The following ARHGAP26 variants were observed in gnomAD, a reference collection of about 807,000 sequenced individuals.
ARHGAP26 encodes the protein Rho GTPase activating protein 26.
In ARHGAP26, 38 loss-of-function variants were observed where a neutral mutation model predicts 104.8. The ratio of observed to expected loss-of-function variants is 0.36; its 90% CI spans 0.28 to 0.48. The LOEUF is 0.48. Among genes scored for constraint, ARHGAP26 ranks in the 20% least tolerant of loss-of-function variants. The pLI, the probability that ARHGAP26 is intolerant of heterozygous loss-of-function variation, is 0.99. For synonymous variants in ARHGAP26, 341 were observed against 340.0 expected (o/e 1.00, Z -0.03); for missense variants, 704 against 947.9 (o/e 0.74, Z 3.38).
intron 10 of ARHGAP26, among the ~76,000 whole-genome samples, chr5:142,916,101 G>A (rs1316085445): frequency 6.6e-6 from 1 of 152,148 alleles, no homozygotes. Flanking sequence ...ATATTTAATC[G>A]CATAAGGGTT....
chr5:143,173,846 A>G (rs1171975095), intron 20 of ARHGAP26, among the ~76,000 whole-genome samples: 1 of 152,172 alleles, frequency 6.6e-6, no homozygotes, highest in African/African-American at 2.4e-5. Context: ...ATACCTAAAA[A>G]ATTTACCCTG....
chr5:142,811,651 A>G (rs1764095749), intron 1 of ARHGAP26, among the ~76,000 whole-genome samples: 1 of 152,052 alleles, frequency 6.6e-6, no homozygotes, highest in South Asian at 2.1e-4. Flanking sequence ...AGTCTCTTAA[A>G]TGGAAGTAAT....
At chr5:142,934,587 C>A (rs1765155190) in intron 11 of ARHGAP26, among the ~76,000 whole-genome samples, 1 of 152,194 alleles carries the variant, frequency 6.6e-6, no homozygotes. Flanking sequence ...GCTTTAATCA[C>A]CATCTCCCTA....
intron 22 of ARHGAP26, among the ~76,000 whole-genome samples, chr5:143,215,300 G>A (rs1336265197): frequency 6.6e-6 from 1 of 152,214 alleles, no homozygotes; most frequent in Non-Finnish European, 1.5e-5. Flanking sequence ...GCTCATATGG[G>A]CAGGGGATCA....
At chr5:142,781,920 T>C (rs1006661567) in intron 1 of ARHGAP26, among the ~76,000 whole-genome samples, 1 of 152,218 alleles carries the variant, frequency 6.6e-6, no homozygotes, top group Non-Finnish European at 1.5e-5. Context: ...TTTCACCGTG[T>C]TACTCAGGAT....
chr5:143,061,716 G>C (rs1208960849), intron 17 of ARHGAP26, among the ~76,000 whole-genome samples: 1 of 152,166 alleles, frequency 6.6e-6, no homozygotes, highest in East Asian at 1.9e-4. Context: ...CTGAGAGTTG[G>C]TTAGTTTCTC....
At chr5:142,931,803 C>T (rs921321790) in intron 10 of ARHGAP26, among the ~76,000 whole-genome samples, 2 of 152,172 alleles carry the variant, frequency 1.3e-5, no homozygotes, top group African/African-American at 4.8e-5. Context: ...CGTCCCTTAC[C>T]TGTAAAATAG....
intron 4 of ARHGAP26, among the ~76,000 whole-genome samples, 156 bp from the exon 5 acceptor site, chr5:142,885,142 G>A (rs1489181416): frequency 6.6e-6 from 1 of 152,234 alleles, no homozygotes; most frequent in Non-Finnish European, 1.5e-5. Flanking sequence ...TCAGGGGGCT[G>A]TTGATGGGTG....
At position 142,771,109 on chromosome 5, in the gene ARHGAP26, G is replaced by A. The variant is rs79522923; in HGVS notation, c.154+194G>A. 1.8e-3 allele frequency: 2,382 copies of A among 1,317,734 alleles called. 44 individuals are homozygous for A. The African/African-American group carries it at 0.034, about 19-fold the overall frequency. The allele number at this position is 1,317,734 out of a possible 1,614,324, so 81.6% of individuals were successfully genotyped here. ...AACCATCAGATGAAGAGAGAGACCC[G>A]TCGCTCCGCCTTTTGCGTTCAGGGA... On this transcript the variant is annotated intron_variant, in intron 1 of 22. Coordinates refer to ENST00000645722, the MANE Select transcript of ARHGAP26 (RefSeq NM_001135608.3).
intron 1 of ARHGAP26, among the ~76,000 whole-genome samples, chr5:142,795,725 A>G (rs1334384541): frequency 6.6e-6 from 1 of 152,200 alleles, no homozygotes; most frequent in African/African-American, 2.4e-5. Flanking sequence ...AAAAGAGAGA[A>G]TGTTAGAATT....
chr5:142,967,415 C>T (rs775771445), intron 11 of ARHGAP26, among the ~76,000 whole-genome samples: 3 of 152,202 alleles, frequency 2.0e-5, no homozygotes, highest in African/African-American at 4.8e-5. Flanking sequence ...TAGCACAATG[C>T]TTGGCTTGTT....
intron 11 of ARHGAP26, among the ~76,000 whole-genome samples, chr5:143,002,174 G>T (rs1389092972): frequency 6.6e-6 from 1 of 152,176 alleles, no homozygotes; most frequent in Non-Finnish European, 1.5e-5. Context: ...GTTGAAAGGA[G>T]CTGCATAGTG....
intron 11 of ARHGAP26, among the ~76,000 whole-genome samples, chr5:142,962,397 A>G (rs1770403276): frequency 6.6e-6 from 1 of 152,240 alleles, no homozygotes; most frequent in Non-Finnish European, 1.5e-5. Flanking sequence ...AATATGAAAG[A>G]ATAGGGGAAA....
chr5:142,782,267 T>C (rs1033993742), intron 1 of ARHGAP26, among the ~76,000 whole-genome samples: 4 of 152,134 alleles, frequency 2.6e-5, no homozygotes, highest in African/African-American at 9.7e-5. Context: ...CACAAGGCTG[T>C]GGGAAGCACA....
At chr5:143,174,293 C>T (rs1313532441) in intron 20 of ARHGAP26, among the ~76,000 whole-genome samples, 3 of 152,140 alleles carry the variant, frequency 2.0e-5, no homozygotes, top group African/African-American at 4.8e-5. Context: ...GGCAACTTTT[C>T]GTGTAATGAT....
intron 11 of ARHGAP26, among the ~76,000 whole-genome samples, chr5:142,956,073 G>A (rs1769182573): frequency 6.6e-6 from 1 of 152,172 alleles, no homozygotes; most frequent in Non-Finnish European, 1.5e-5. Context: ...CCAGGCATTG[G>A]TATTAAGCAT....
chr5:142,848,617 G>A (rs1218183249), intron 1 of ARHGAP26, among the ~76,000 whole-genome samples: 4 of 152,082 alleles, frequency 2.6e-5, no homozygotes, highest in Admixed American at 6.5e-5. Flanking sequence ...GGAAGCTGCC[G>A]AGGTGAGCAC....
At position 142,845,493 on chromosome 5, in the gene ARHGAP26, G is replaced by A. The variant is rs539756070; in HGVS notation, c.155-27907G>A. On this transcript the variant is annotated intron_variant, in intron 1 of 22. Transcript: ENST00000645722. The stretch of plus-strand genomic sequence containing the variant: ...CCTCTGGGGTAAAGGGTGACTTCAC[G>A]CCCTTTGCTGATAAAGGAAATGCTT... 2.2e-3 allele frequency among the ~76,000 whole-genome samples: 335 copies of A among 152,196 alleles called. 4 individuals carry two copies. The highest frequency in any genetic ancestry group is 0.012 in the South Asian group (56 of 4,808).
intron 12 of ARHGAP26, among the ~76,000 whole-genome samples, chr5:143,029,992 C>T (rs570050343): frequency 6.6e-6 from 1 of 152,154 alleles, no homozygotes; most frequent in African/African-American, 2.4e-5. Flanking sequence ...GGCATGGGGT[C>T]GTTTGGGGGC....
Sources: gnomAD v4.1 joint callset for allele counts (sites outside exome capture counted in the v4.1 genomes callset) on GRCh38, gnomAD v4.1.1 for gene constraint, MANE v1.5 for transcripts, NCBI Gene and HGNC (gene_info 2026-07-23, HGNC 2026-07-21) for gene names.